The following SPIN1 variants were observed in gnomAD, a reference collection of about 807,000 sequenced individuals.
The protein encoded by SPIN1 is spindlin 1.
In SPIN1, 3 loss-of-function variants were observed where a neutral mutation model predicts 26.0. The observed-to-expected ratio is 0.12, with a 90% CI of 0.05 to 0.30. The LOEUF is 0.30. Among genes scored for constraint, SPIN1 ranks in the 10% least tolerant of loss-of-function variants. SPIN1 has a pLI of 1.00. For synonymous variants in SPIN1, 101 were observed against 116.5 expected (o/e 0.87, Z 0.86); for missense variants, 126 against 333.4 (o/e 0.38, Z 4.84).
intron 1 of SPIN1, among the ~76,000 whole-genome samples, chr9:88,406,421 GC>G: frequency 6.6e-6 from 1 of 151,258 alleles, no homozygotes; most frequent in Non-Finnish European, 1.5e-5. Context: ...CTCCCCAGTA[GC>G]TGGGACTACA....
chr9:88,418,440 CTTG>C (rs1330766703), intron 1 of SPIN1, among the ~76,000 whole-genome samples: 8 of 152,130 alleles, frequency 5.3e-5, no homozygotes, highest in Non-Finnish European at 1.0e-4. Context: ...TTTAAGACAA[CTTG>C]TTGACAGCCC....
rs999477688 is a variant in SPIN1 at position 88,402,134 on chromosome 9, A to G, written c.-159+13596A>G. ...AGCCTCCTGAGTAAGCTGGGATTAC[A>G]GGTGTGTGCCACCATGCTGGGCTAA... On this transcript the variant is annotated intron_variant, in intron 1 of 5. Transcript: ENST00000375859. Among the ~76,000 whole-genome samples, 2 of 152,108 alleles carry G rather than the reference A, an allele frequency of 1.3e-5. 1 individual carries two copies. Among genetic ancestry groups the G allele is most frequent in the South Asian group, 4.1e-4 (2 of 4,820 alleles).
intron 3 of SPIN1, among the ~76,000 whole-genome samples, chr9:88,462,224 G>A (rs933804156): frequency 6.6e-6 from 1 of 152,184 alleles, no homozygotes; most frequent in African/African-American, 2.4e-5. Flanking sequence ...TAGGGCTTAA[G>A]TTGCTATTGA....
At chr9:88,462,847 G>C in intron 4 of SPIN1, 98 bp downstream of exon 4, 1 of 1,318,252 alleles carries the variant, frequency 7.6e-7, no homozygotes, top group Non-Finnish European at 1.0e-6. Context: ...ACTTTTATTG[G>C]AACACAAGCA....
Position 88,475,355 on chromosome 9 carries a change from A to G in SPIN1, c.*78A>G. On this transcript the variant is annotated 3_prime_UTR_variant, in exon 6 of 6. Transcript: ENST00000375859. ...AGACATAAAGACTTGATTGCTTTCC[A>G]GTTTAATGAAAGCTTAAATGTCCCT... The G allele has an allele frequency of 2.1e-6, 3 of 1,447,822 alleles. No homozygotes were observed. The highest frequency in any genetic ancestry group is 2.8e-6 in the Non-Finnish European group (3 of 1,053,144). 89.7% of individuals were successfully genotyped at this position (1,447,822 alleles called of 1,614,324 possible).
At chr9:88,423,788 T>TG (rs376790684) in intron 1 of SPIN1, among the ~76,000 whole-genome samples, 3 of 148,560 alleles carry the variant, frequency 2.0e-5, no homozygotes, top group East Asian at 2.0e-4. Context: ...TTTTTTGAGA[T>TG]GGGGTCTCAC....
intron 2 of SPIN1, among the ~76,000 whole-genome samples, chr9:88,434,010 C>T (rs892896405): frequency 2.0e-5 from 3 of 151,674 alleles, no homozygotes; most frequent in African/African-American, 7.3e-5. Context: ...AAGAACCTAT[C>T]GATAGTTAAG....
At chr9:88,423,824 G>A (rs1827716782) in intron 1 of SPIN1, among the ~76,000 whole-genome samples, 1 of 151,646 alleles carries the variant, frequency 6.6e-6, no homozygotes, top group African/African-American at 2.4e-5. Context: ...GGAGTGCAGT[G>A]GTGTGATCTT....
intron 1 of SPIN1, among the ~76,000 whole-genome samples, chr9:88,416,127 C>T (rs1827559080): frequency 6.6e-6 from 1 of 151,922 alleles, no homozygotes; most frequent in African/African-American, 2.4e-5. Context: ...TTTTTTCTTT[C>T]CAGAACTATA....
intron 2 of SPIN1, among the ~76,000 whole-genome samples, chr9:88,437,899 C>A (rs1043825402): frequency 2.0e-5 from 3 of 152,172 alleles, no homozygotes; most frequent in Non-Finnish European, 4.4e-5. Flanking sequence ...GTGGCTCAAG[C>A]CTGCAATCCC....
chr9:88,435,824 A>T (rs953885531), intron 2 of SPIN1, among the ~76,000 whole-genome samples: 1 of 152,080 alleles, frequency 6.6e-6, no homozygotes, highest in Non-Finnish European at 1.5e-5. Context: ...CTGTCAGCCT[A>T]TATCACATAA....
rs1491389968 is a variant in SPIN1, at chr9:88,408,979, GTT to G, written c.-158-17401_-158-17400del. The stretch of plus-strand genomic sequence containing the variant: ...GCCCGGCCCTTTTGTGTTTGTGTGT[GTT>G]TGTGTGTGTGTGTGTGTGTGTGTGT... On this transcript the variant is annotated intron_variant, in intron 1 of 5. Transcript: ENST00000375859. 3.0e-3 allele frequency among the ~76,000 whole-genome samples: 397 copies of G among 131,196 alleles called. 1 individual carries two copies. The highest frequency in any genetic ancestry group is 0.012 in the African/African-American group (342 of 28,350). 86.1% of individuals were successfully genotyped at this position (131,196 alleles called of 152,430 possible). A position where few individuals can be genotyped will look rare whatever the true frequency, so the allele number is the denominator to read the frequency against.
intron 3 of SPIN1, among the ~76,000 whole-genome samples, chr9:88,455,298 A>C (rs1587809827): frequency 6.6e-6 from 1 of 152,238 alleles, no homozygotes; most frequent in East Asian, 1.9e-4. Context: ...CTCCACTAAA[A>C]ATACAAAACT....
At chr9:88,475,021 T>C (rs1828862090) in intron 5 of SPIN1, 57 bp from the exon 6 acceptor site, 1 of 1,414,404 alleles carries the variant, frequency 7.1e-7, no homozygotes, top group Non-Finnish European at 9.3e-7. Flanking sequence ...TATCTAAAAA[T>C]TGACTTAGAA....
intron 1 of SPIN1, among the ~76,000 whole-genome samples, chr9:88,420,555 C>T (rs1827649395): frequency 6.6e-6 from 1 of 152,202 alleles, no homozygotes; most frequent in Non-Finnish European, 1.5e-5. Context: ...ATTTTCCATA[C>T]AAGGTTGGTT....
At chr9:88,466,985 C>T (rs1828682406) in intron 4 of SPIN1, among the ~76,000 whole-genome samples, 1 of 152,166 alleles carries the variant, frequency 6.6e-6, no homozygotes, top group South Asian at 2.1e-4. Flanking sequence ...GATTCGCCCG[C>T]CTTGGACTCC....
At chr9:88,471,607 A>AC (rs1312523255) in intron 5 of SPIN1, among the ~76,000 whole-genome samples, 1 of 125,682 alleles carries the variant, frequency 8.0e-6, no homozygotes, top group Non-Finnish European at 1.6e-5. Flanking sequence ...GTGAGCCAAG[A>AC]CCGCACCATT....
At chr9:88,422,282 A>G (rs1365697032) in intron 1 of SPIN1, among the ~76,000 whole-genome samples, 1 of 152,226 alleles carries the variant, frequency 6.6e-6, no homozygotes, top group Non-Finnish European at 1.5e-5. Flanking sequence ...CTGCTAACCT[A>G]GAAATAATGC....
At chr9:88,425,323 T>C (rs1827744201) in intron 1 of SPIN1, among the ~76,000 whole-genome samples, 1 of 152,122 alleles carries the variant, frequency 6.6e-6, no homozygotes, top group Non-Finnish European at 1.5e-5. Flanking sequence ...CTAGTCTCTC[T>C]ACATCATTGA....
Sources: gnomAD v4.1 joint callset for allele counts (sites outside exome capture counted in the v4.1 genomes callset) on GRCh38, gnomAD v4.1.1 for gene constraint, MANE v1.5 for transcripts, NCBI Gene and HGNC (gene_info 2026-07-23, HGNC 2026-07-21) for gene names.